Variants in CPED1 observed in about 807,000 individuals in gnomAD.
CPED1 encodes cadherin like and PC-esterase domain containing 1.
CPED1 carries 114 observed loss-of-function variants against 128.2 expected under a neutral mutation model. That is an observed-to-expected ratio of 0.89 (90% CI 0.76 to 1.04). CPED1 has a LOEUF of 1.04. Ranked by LOEUF, CPED1 falls within the 50% of genes least tolerant of loss-of-function variation. The probability of loss-of-function intolerance (pLI) is 0.00; values close to 1 mark genes in which losing one functional copy is unlikely to be tolerated. For missense variants in CPED1, 1,211 were observed against 1,207.1 expected (o/e 1.00, Z -0.05); for synonymous variants, 462 against 426.7 (o/e 1.08, Z -1.02).
intron 16 of CPED1, among the ~76,000 whole-genome samples, chr7:121,157,598 A>AC (rs1420159701): frequency 6.6e-6 from 1 of 152,114 alleles, no homozygotes. Context: ...CTAACACCTC[A>AC]CCCTGCATAT....
intron 16 of CPED1, among the ~76,000 whole-genome samples, chr7:121,219,639 A>G (rs1797833696): frequency 2.0e-5 from 3 of 152,028 alleles, no homozygotes; most frequent in East Asian, 1.9e-4. Context: ...CAGCTGATAT[A>G]TGTTTAGGGA....
chr7:121,079,455 C>T (rs1794223086), intron 5 of CPED1, among the ~76,000 whole-genome samples: 1 of 152,218 alleles, frequency 6.6e-6, no homozygotes, highest in Non-Finnish European at 1.5e-5. Flanking sequence ...ACCAAGAACT[C>T]TGATACTGCC....
chr7:121,130,061 G>A (rs1795623589), intron 11 of CPED1, 64 bp from the exon 12 acceptor site: 1 of 1,277,444 alleles, frequency 7.8e-7, no homozygotes, highest in Middle Eastern at 1.9e-4. Flanking sequence ...GTATAAGGCT[G>A]TTCATAGTAA....
intron 5 of CPED1, among the ~76,000 whole-genome samples, chr7:121,091,902 A>T (rs1396483002): frequency 6.6e-6 from 1 of 152,190 alleles, no homozygotes; most frequent in Non-Finnish European, 1.5e-5. Flanking sequence ...GTGCTGGACA[A>T]ATTAGATTAT....
At chr7:121,000,690 G>A (rs931979495) in intron 2 of CPED1, among the ~76,000 whole-genome samples, 2 of 152,098 alleles carry the variant, frequency 1.3e-5, no homozygotes, top group African/African-American at 4.8e-5. Flanking sequence ...CTCTGCATAT[G>A]ACTGTTGAGA....
At chr7:121,183,275 A>G (rs929647354) in intron 16 of CPED1, among the ~76,000 whole-genome samples, 1 of 152,226 alleles carries the variant, frequency 6.6e-6, no homozygotes, top group African/African-American at 2.4e-5. Context: ...GACATATGGC[A>G]ATAAAAATTC....
At chr7:120,990,163 A>G (rs1472097313) in intron 2 of CPED1, among the ~76,000 whole-genome samples, 2 of 152,204 alleles carry the variant, frequency 1.3e-5, no homozygotes. Context: ...TTTCTAAAAT[A>G]TCAGTATTCT....
intron 22 of CPED1, among the ~76,000 whole-genome samples, chr7:121,292,209 T>C (rs1249506488): frequency 6.6e-6 from 1 of 151,894 alleles, no homozygotes; most frequent in Non-Finnish European, 1.5e-5. Context: ...TGTTCATTCC[T>C]TTTCTTTTCA....
intron 3 of CPED1, among the ~76,000 whole-genome samples, chr7:121,027,066 A>T (rs1344034373): frequency 6.7e-6 from 1 of 149,882 alleles, no homozygotes; most frequent in African/African-American, 2.5e-5. Flanking sequence ...GTGTCGAACT[A>T]CTGGGCTCAA....
At chr7:121,192,586 ATATGGTG>A (rs1797168374) in intron 16 of CPED1, among the ~76,000 whole-genome samples, 1 of 152,114 alleles carries the variant, frequency 6.6e-6, no homozygotes, top group Admixed American at 6.6e-5. Context: ...ACATAGCTTA[ATATGGTG>A]AACAAAATGT....
At chr7:121,018,743 C>G (rs1381295944) in intron 3 of CPED1, among the ~76,000 whole-genome samples, 2 of 152,040 alleles carry the variant, frequency 1.3e-5, no homozygotes, top group Non-Finnish European at 2.9e-5. Flanking sequence ...ATCATTGGAT[C>G]CGAATTATTT....
chr7:121,136,947 T>A (rs1010941298), intron 14 of CPED1, among the ~76,000 whole-genome samples: 10 of 152,118 alleles, frequency 6.6e-5, no homozygotes, highest in African/African-American at 2.4e-4. Context: ...CTTAATATTC[T>A]ATAATATAGT....
intron 16 of CPED1, among the ~76,000 whole-genome samples, chr7:121,223,046 G>A (rs1584609644): frequency 6.6e-6 from 1 of 152,132 alleles, no homozygotes; most frequent in Non-Finnish European, 1.5e-5. Flanking sequence ...TTTTCAAAGG[G>A]AATGCTTCCA....
chr7:121,012,204 T>C (rs772335968), intron 2 of CPED1, among the ~76,000 whole-genome samples: 2 of 152,228 alleles, frequency 1.3e-5, no homozygotes, highest in African/African-American at 2.4e-5. Context: ...TTCTGTCCTT[T>C]GCTTTATCTC....
At chr7:121,180,110 C>T (rs1796869071) in intron 16 of CPED1, among the ~76,000 whole-genome samples, 1 of 151,990 alleles carries the variant, frequency 6.6e-6, no homozygotes, top group African/African-American at 2.4e-5. Context: ...GGAATAGTAT[C>T]ACATGGTGGT....
chr7:121,244,578 C>G (rs1798480934), intron 18 of CPED1, among the ~76,000 whole-genome samples: 1 of 152,214 alleles, frequency 6.6e-6, no homozygotes, highest in Non-Finnish European at 1.5e-5. Flanking sequence ...ATATTAAAGT[C>G]TTGTCCTATG....
chr7:121,237,005 T>C (rs547810783), intron 17 of CPED1, among the ~76,000 whole-genome samples, 174 bp downstream of exon 17: 3 of 152,312 alleles, frequency 2.0e-5, no homozygotes, highest in Non-Finnish European at 4.4e-5. Flanking sequence ...TGAAATACTT[T>C]GATTAATCAA....
chr7:121,162,200 T>C (rs942564735), intron 16 of CPED1, among the ~76,000 whole-genome samples: 1 of 152,176 alleles, frequency 6.6e-6, no homozygotes, highest in Admixed American at 6.5e-5. Flanking sequence ...TATGGCTAAG[T>C]GGAAAGCATA....
intron 5 of CPED1, among the ~76,000 whole-genome samples, chr7:121,068,609 G>C (rs932518340): frequency 6.6e-6 from 1 of 151,140 alleles, no homozygotes; most frequent in Non-Finnish European, 1.5e-5. Flanking sequence ...CTCTTTTTTG[G>C]TTCCATATGA....
Sources: gnomAD v4.1 joint callset for allele counts (sites outside exome capture counted in the v4.1 genomes callset) on GRCh38, gnomAD v4.1.1 for gene constraint, MANE v1.5 for transcripts, NCBI Gene and HGNC (gene_info 2026-07-23, HGNC 2026-07-21) for gene names.